The following MYO1C variants were observed in gnomAD, a reference collection of about 807,000 sequenced individuals.
The protein encoded by MYO1C is myosin IC, also known as unconventional myosin-Ic.
Under a neutral mutation model 150.8 loss-of-function variants are expected in MYO1C, and 104 were observed. That is an observed-to-expected ratio of 0.69 (90% CI 0.59 to 0.81). MYO1C has a LOEUF of 0.81. MYO1C is among the 30% of genes least tolerant of loss of function. The pLI is 0.00. For missense variants in MYO1C, 1,504 were observed against 1,435.0 expected (o/e 1.05, Z -0.78); for synonymous variants, 663 against 579.9 (o/e 1.14, Z -2.06).
chr17:1,477,891 C>T lies in MYO1C; in HGVS notation c.1482G>A (p.Leu494=), dbSNP rs1359814100. The T allele has an allele frequency of 8.7e-6, 14 of 1,613,898 alleles. No homozygotes were observed. Among genetic ancestry groups the T allele is most frequent in the Non-Finnish European group, 1.2e-5 (14 of 1,179,868 alleles). Residue 494 remains leucine (L), a splice_region_variant and synonymous_variant, in exon 13 of 32, where the codon TTG becomes TTA. Transcript: ENST00000648651. ...EEKFKGIISI[L]DEECLRPGEA... The stretch of plus-strand genomic sequence containing the variant: ...GGCCTTGGAGGCGCAGAGGACTCAC[C>T]AAAATCGAGATGATGCCCTTAAACT...
rs534225037 is a variant in MYO1C at position 1,471,194 on chromosome 17, C to A, written c.2135+29G>T. The A allele has an allele frequency of 1.5e-5, 24 of 1,613,786 alleles. No individual in the cohort carries two copies. In the East Asian group the frequency reaches 5.3e-4, roughly 36 times the overall value. The stretch of plus-strand genomic sequence containing the variant: ...GCCCGGGGTTGCCACTCCCATTCCC[C>A]GCAGGCACCCGGCACGGACACTACC... On this transcript the variant is annotated intron_variant, in intron 20 of 31. Transcript: ENST00000648651.
intron 4 of MYO1C, 104 bp from the exon 5 acceptor site, chr17:1,482,662 C>T: frequency 5.3e-6 from 4 of 752,946 alleles, no homozygotes; most frequent in South Asian, 4.4e-5. Flanking sequence ...CTGGGCTTCT[C>T]TCCCTGCCCC....
At position 1,469,514 on chromosome 17, in the gene MYO1C, A is replaced by G. The variant is rs200047454; in HGVS notation, c.2610+17T>C. The G allele has an allele frequency of 3.1e-6, 5 of 1,596,454 alleles. No individual in the cohort carries two copies. Among genetic ancestry groups the G allele is most frequent in the African/African-American group, 1.3e-5 (1 of 74,306 alleles). ...TGACTCCACTTCCTCATCCTCACCC[A>G]GCCCCGCTCTCCGTACCTGCTGCTT... is the stretch of plus-strand genomic sequence containing the variant. On this transcript the variant is annotated intron_variant, in intron 25 of 31. Coordinates refer to ENST00000648651, the MANE Select transcript of MYO1C (RefSeq NM_001080779.2).
At chr17:1,472,631 G>C (rs541851088) in intron 17 of MYO1C, among the ~76,000 whole-genome samples, 1 of 152,220 alleles carries the variant, frequency 6.6e-6, no homozygotes, top group African/African-American at 2.4e-5. Context: ...CAGGCCTGGC[G>C]GAGGAGCACG....
At position 1,470,208 on chromosome 17, in the gene MYO1C, G is replaced by C. The variant is rs2074270688; in HGVS notation, c.2493C>G (p.Thr831=). The C allele has an allele frequency of 6.2e-7, 1 of 1,611,614 alleles. No homozygotes were observed. Among genetic ancestry groups the C allele is most frequent in the Non-Finnish European group, 8.5e-7 (1 of 1,179,550 alleles). Residue 831 remains threonine, a synonymous_variant, in exon 24 of 32, where the codon ACC becomes ACG. Transcript: ENST00000648651. ...RRQLPQNVLD[T]SWPTPPPALR... ...GGGCAGGTGGGGGCGTGGGCCACGA[G>C]GTGTCCAGGACATTCTGGGGCAGCT...
chr17:1,486,423 C>T (rs1312954955), intron 1 of MYO1C, among the ~76,000 whole-genome samples: 1 of 152,110 alleles, frequency 6.6e-6, no homozygotes, highest in Non-Finnish European at 1.5e-5. Context: ...AAATTCGCGT[C>T]CCCCCCGCCC....
At chr17:1,483,530 TCA>T in intron 3 of MYO1C, 78 bp downstream of exon 3, 1 of 1,031,960 alleles carries the variant, frequency 9.7e-7, no homozygotes, top group Non-Finnish European at 1.5e-6. Flanking sequence ...CAGGATCATT[TCA>T]GAGTAAGGTA....
In MYO1C at chr17:1,482,894, CCGCA is replaced by C; in HGVS notation, c.509_512del (p.Val170GlyfsTer98). 6.2e-7 allele frequency: 1 copy of C among 1,611,836 alleles called. No homozygotes were observed. Among genetic ancestry groups the C allele is most frequent in the South Asian group, 1.1e-5 (1 of 91,048 alleles). On this transcript the variant is annotated frameshift_variant, in exon 4 of 32. Transcript: ENST00000648651. LOFTEE classifies it high-confidence loss of function. ...CCGGGTTGCTCTGTAGCAGCCGGTC[CCGCA>C]CGGCACCTCCGCGCTCGGGGGCTGG...
At chr17:1,487,915 C>T (rs1266417386) in intron 1 of MYO1C, among the ~76,000 whole-genome samples, 3 of 152,182 alleles carry the variant, frequency 2.0e-5, no homozygotes, top group Non-Finnish European at 4.4e-5. Context: ...AGCGAAGCTC[C>T]GTCTCCAAAC....
chr17:1,477,313 G>T, intron 14 of MYO1C, 192 bp downstream of exon 14: 1 of 627,226 alleles, frequency 1.6e-6, no homozygotes, highest in Non-Finnish European at 2.9e-6. Context: ...CTGCATAGAT[G>T]GGACTCCAGG....
chr17:1,467,759 A>AC, intron 29 of MYO1C, 81 bp downstream of exon 29: 1 of 229,750 alleles, frequency 4.4e-6, no homozygotes, highest in South Asian at 3.0e-5. Context: ...CCACCCCCAC[A>AC]CCCCCTATTC....
At position 1,474,801 on chromosome 17, in the gene MYO1C, G is replaced by A. The variant is rs112900158; in HGVS notation, c.1716+11C>T. On this transcript the variant is annotated intron_variant, in intron 16 of 31. Coordinates refer to ENST00000648651, the MANE Select transcript of MYO1C (RefSeq NM_001080779.2). ...CCCACCCCCACCCCGGCCTCCCCAC[G>A]TCCTCCTCACCTCCTTAAGGTTCCG... 9.9e-4 allele frequency: 774 copies of A among 778,852 alleles called. 6 individuals carry two copies. The African/African-American group carries it at 0.011, about 11-fold the overall frequency. The allele number at this position is 778,852 out of a possible 1,614,324, so 48.2% of individuals were successfully genotyped here. A position where few individuals can be genotyped will look rare whatever the true frequency, so the allele number is the denominator to read the frequency against.
chr17:1,490,353 C>T (rs2074714770), intron 1 of MYO1C, among the ~76,000 whole-genome samples: 1 of 151,396 alleles, frequency 6.6e-6, no homozygotes, highest in African/African-American at 2.4e-5. Context: ...AAAAAATTAG[C>T]TGGGCGCGGT....
At chr17:1,476,140 C>A (rs1019734006) in intron 14 of MYO1C, among the ~76,000 whole-genome samples, 3 of 152,038 alleles carry the variant, frequency 2.0e-5, no homozygotes, top group Admixed American at 1.3e-4. Context: ...ATCAGGCAGC[C>A]CCTAAACCCG....
Position 1,465,593 on chromosome 17 carries a change from A to G in MYO1C, c.*133T>C. 1 of 938,160 alleles carries G rather than the reference A, an allele frequency of 1.1e-6. No homozygotes were observed. Among genetic ancestry groups the G allele is most frequent in the Non-Finnish European group, 1.5e-6 (1 of 679,574 alleles). The allele number at this position is 938,160 out of a possible 1,614,324, so 58.1% of individuals were successfully genotyped here. On this transcript the variant is annotated 3_prime_UTR_variant, in exon 32 of 32. Transcript: ENST00000648651. ...CTCCCTCAAGAGAGGGATGGGCAGG[A>G]GGTGGGAGATTGCAGGTGGGCTTCG... is the stretch of plus-strand genomic sequence containing the variant.
rs1362465127 is a variant in MYO1C, at chr17:1,478,128, G to A, written c.1360C>T (p.Leu454Phe). Reference sequence around the variant, plus strand: ...TCGTACTCCTCCTGCTCCGACTTGAGCGTGAGCTCGATGAAGAGCTGCTGC... The same window carrying A: ...TCGTACTCCTCCTGCTCCGACTTGAACGTGAGCTCGATGAAGAGCTGCTGC... ...KLQQLFIELT[L>F]KSEQEEYEAE... The change falls in exon 12 of 32, where the codon CTC (leucine) becomes TTC (phenylalanine). Residue 454 changes from leucine (L) to phenylalanine (F), a missense_variant. By Grantham distance (22) the Leu-to-Phe change is conservative. Coordinates refer to ENST00000648651, the MANE Select transcript of MYO1C (RefSeq NM_001080779.2). This position sits in a 1 kb window ranked among gnomAD's most constrained non-coding sequence, Gnocchi z 6.3. 6.8e-6 allele frequency: 11 copies of A among 1,614,108 alleles called. No individual in the cohort carries two copies. The highest frequency in any genetic ancestry group is 8.5e-6 in the Non-Finnish European group (10 of 1,180,052).
At position 1,470,197 on chromosome 17, in the gene MYO1C, G is replaced by A. The variant is rs767907001; in HGVS notation, c.2504C>T (p.Thr835Met). The change falls in exon 24 of 32, where the codon ACG becomes ATG. Residue 835 changes from threonine (T) to methionine (M), a missense_variant. Physicochemically the swap from Thr to Met is moderately conservative, Grantham distance 81. Coordinates refer to ENST00000648651, the MANE Select transcript of MYO1C (RefSeq NM_001080779.2). Reference sequence around the variant, plus strand: ...GACCTCACGCAGGGCAGGTGGGGGCGTGGGCCACGAGGTGTCCAGGACATT... The same window carrying A: ...GACCTCACGCAGGGCAGGTGGGGGCATGGGCCACGAGGTGTCCAGGACATT... ...PQNVLDTSWP[T>M]PPPALREASE... The A allele has an allele frequency of 5.6e-6, 9 of 1,611,156 alleles. No individual in the cohort carries two copies. The highest frequency in any genetic ancestry group is 1.8e-4 in the Middle Eastern group (1 of 5,594).
chr17:1,483,249 C>T (rs976239387), intron 3 of MYO1C, among the ~76,000 whole-genome samples, 190 bp from the exon 4 acceptor site: 6 of 150,826 alleles, frequency 4.0e-5, no homozygotes, highest in African/African-American at 7.3e-5. Flanking sequence ...TCACCGCCAG[C>T]GGGAGGACTG....
Position 1,465,657 on chromosome 17 carries a change from G to C in MYO1C, c.*69C>G. 2.3e-6 allele frequency: 3 copies of C among 1,307,194 alleles called. No individual in the cohort carries two copies. The highest frequency in any genetic ancestry group is 3.0e-6 in the Non-Finnish European group (3 of 1,008,774). 81.0% of individuals were successfully genotyped at this position (1,307,194 alleles called of 1,614,324 possible). On this transcript the variant is annotated 3_prime_UTR_variant, in exon 32 of 32. Coordinates refer to ENST00000648651, the MANE Select transcript of MYO1C (RefSeq NM_001080779.2). ...TCCCTGTCTGGAAGTTCGAGTCTTT[G>C]GTAACTGGGAAGGGGAGGAGGAGAA...
Sources: allele counts gnomAD v4.1 joint callset (sites outside exome capture counted in the v4.1 genomes callset), GRCh38; gene constraint gnomAD v4.1.1; non-coding constraint Gnocchi (gnomAD v3.1); transcripts MANE v1.5; gene names NCBI Gene and HGNC (gene_info 2026-07-23, HGNC 2026-07-21).